Variants in NBEA observed in about 807,000 individuals in gnomAD.
NBEA encodes neurobeachin.
NBEA carries 44 observed loss-of-function variants against 343.4 expected under a neutral mutation model. The observed-to-expected ratio is 0.13, with a 90% CI of 0.10 to 0.16. The LOEUF is 0.16. Among genes scored for constraint, NBEA ranks in the 10% least tolerant of loss-of-function variants. NBEA has a pLI of 1.00. For synonymous variants in NBEA, 1,175 were observed against 1,238.7 expected (o/e 0.95, Z 1.08); for missense variants, 2,555 against 3,631.3 (o/e 0.70, Z 7.62).
Position 35,119,579 on chromosome 13 carries a change from C to A in NBEA, c.2243+1105C>A, listed in dbSNP as rs566272070. Among the ~76,000 whole-genome samples the A allele has an allele frequency of 4.8e-3, 731 of 152,048 alleles. 1 individual carries two copies. The highest frequency in any genetic ancestry group is 7.7e-3 in the Non-Finnish European group (524 of 67,934). On this transcript the variant is annotated intron_variant, in intron 16 of 58. Transcript: ENST00000379939. ...TACATTTAGTGATTAACAACTGTTACAATTTTTTTTTCTTTTTGAGACAGA... is the reference window on the plus strand; with the variant it reads ...TACATTTAGTGATTAACAACTGTTAAAATTTTTTTTTCTTTTTGAGACAGA...
intron 10 of NBEA, among the ~76,000 whole-genome samples, chr13:35,081,110 C>T (rs574333216): frequency 4.6e-5 from 7 of 152,214 alleles, no homozygotes; most frequent in East Asian, 1.9e-4. Context: ...TGGCTTGCTG[C>T]TGGAAGGCCT....
At chr13:35,398,354 C>T (rs1194204795) in intron 38 of NBEA, among the ~76,000 whole-genome samples, 1 of 152,140 alleles carries the variant, frequency 6.6e-6, no homozygotes, top group African/African-American at 2.4e-5. Flanking sequence ...TTCCATGAAT[C>T]ACAAATGTTC....
intron 40 of NBEA, 85 bp downstream of exon 40, chr13:35,452,320 G>A (rs150315571): frequency 0.013 from 12,890 of 970,492 alleles, 315 homozygotes; most frequent in Admixed American, 0.083. Context: ...GTAAATAAAT[G>A]TGTGCCAATG....
At chr13:35,375,366 T>C (rs2041680603) in intron 38 of NBEA, among the ~76,000 whole-genome samples, 1 of 152,158 alleles carries the variant, frequency 6.6e-6, no homozygotes, top group Non-Finnish European at 1.5e-5. Flanking sequence ...TGCTCCATTT[T>C]CAACAACTTT....
chr13:35,222,126 A>G (rs1004326917), intron 33 of NBEA, among the ~76,000 whole-genome samples: 2 of 152,104 alleles, frequency 1.3e-5, no homozygotes, highest in African/African-American at 4.8e-5. Context: ...AAATGTTAAA[A>G]TGGCTTGGTT....
intron 38 of NBEA, among the ~76,000 whole-genome samples, chr13:35,423,847 C>T (rs1343237764): frequency 1.3e-5 from 2 of 152,122 alleles, no homozygotes; most frequent in Non-Finnish European, 2.9e-5. Flanking sequence ...TTGTAGTTCT[C>T]CTTGAAGAGG....
At chr13:35,296,399 A>G (rs1002469500) in intron 35 of NBEA, among the ~76,000 whole-genome samples, 2 of 151,682 alleles carry the variant, frequency 1.3e-5, no homozygotes, top group African/African-American at 4.8e-5. Flanking sequence ...AAAAAAAGAT[A>G]AAAAAGAACA....
intron 48 of NBEA, among the ~76,000 whole-genome samples, chr13:35,612,140 CT>C (rs1191913903): frequency 5.6e-5 from 8 of 143,908 alleles, no homozygotes; most frequent in African/African-American, 7.7e-5. Flanking sequence ...ATTTTTTTTT[CT>C]TTTTTTTTTG....
At chr13:35,443,667 A>G (rs1447892648) in intron 39 of NBEA, among the ~76,000 whole-genome samples, 1 of 152,104 alleles carries the variant, frequency 6.6e-6, no homozygotes, top group Non-Finnish European at 1.5e-5. Context: ...ATGTGTAGAA[A>G]TACTTGCTTT....
chr13:35,269,977 A>G (rs1363421192), intron 34 of NBEA, among the ~76,000 whole-genome samples: 1 of 152,306 alleles, frequency 6.6e-6, no homozygotes, highest in South Asian at 2.1e-4. Context: ...TTCTCTGTCC[A>G]TTTTATTTAT....
At chr13:35,317,664 G>A (rs982359189) in intron 36 of NBEA, among the ~76,000 whole-genome samples, 8 of 152,122 alleles carry the variant, frequency 5.3e-5, no homozygotes, top group Admixed American at 2.6e-4. Flanking sequence ...AGCTTGATGG[G>A]GATAGCACTG....
Position 35,606,453 on chromosome 13 carries a change from C to A in NBEA, c.7324C>A (p.Pro2442Thr). 1 of 1,561,734 alleles carries A rather than the reference C, an allele frequency of 6.4e-7. No homozygotes were observed. ...ACTAATTCCAGAGTTCTACTACCTA[C>A]CAGAGATGTTTGTCAACAGTAATGG... ...KELIPEFYYL[P>T]EMFVNSNGYN... The change falls in exon 48 of 59, where the codon CCA becomes ACA. Residue 2442 changes from proline to threonine, a missense_variant. Pro to Thr is a conservative substitution (Grantham distance 38, BLOSUM62 -1). This residue lies in a region of NBEA where 156 missense variants were observed against 185.8 expected (regional missense o/e 0.84). Transcript: ENST00000379939.
intron 30 of NBEA, 43 bp downstream of exon 30, chr13:35,184,114 T>G (rs2071515983): frequency 7.2e-7 from 1 of 1,391,484 alleles, no homozygotes; most frequent in East Asian, 2.3e-5. Flanking sequence ...GTATTCTTAT[T>G]TCATGAATTG....
chr13:35,599,152 G>C (rs2081939385), intron 47 of NBEA, among the ~76,000 whole-genome samples: 1 of 152,098 alleles, frequency 6.6e-6, no homozygotes, highest in South Asian at 2.1e-4. Context: ...CTTCCTTGCT[G>C]ATCTTCCAGA....
chr13:35,344,528 A>G (rs1301300671), intron 36 of NBEA, among the ~76,000 whole-genome samples: 1 of 152,020 alleles, frequency 6.6e-6, no homozygotes, highest in East Asian at 1.9e-4. Flanking sequence ...AGATTGATTA[A>G]GAACAAAATA....
intron 53 of NBEA, among the ~76,000 whole-genome samples, chr13:35,652,688 CTTTT>C (rs766315741): frequency 1.2e-4 from 8 of 67,574 alleles, no homozygotes; most frequent in Admixed American, 8.4e-4. Context: ...TTCTGGCAGT[CTTTT>C]TTTTTTTTTT....
chr13:35,648,898 C>G (rs1006628180), intron 51 of NBEA, among the ~76,000 whole-genome samples: 4 of 152,022 alleles, frequency 2.6e-5, no homozygotes, highest in Non-Finnish European at 4.4e-5. Context: ...TCAGGAAGAA[C>G]AGCTAATGTA....
chr13:35,299,851 T>C (rs1404214964), intron 35 of NBEA, among the ~76,000 whole-genome samples: 1 of 152,196 alleles, frequency 6.6e-6, no homozygotes, highest in Non-Finnish European at 1.5e-5. Flanking sequence ...ATTATTCTTA[T>C]CCCTTTGCAT....
At chr13:35,460,669 T>C (rs998853388) in intron 40 of NBEA, among the ~76,000 whole-genome samples, 2 of 152,188 alleles carry the variant, frequency 1.3e-5, no homozygotes, top group African/African-American at 4.8e-5. Flanking sequence ...TATGAAACAC[T>C]ATAAGGTACT....
Sources: gnomAD v4.1 joint callset for allele counts (sites outside exome capture counted in the v4.1 genomes callset) on GRCh38, gnomAD v4.1.1 for gene constraint, gnomAD v4.1.1 regional missense constraint, MANE v1.5 for transcripts, NCBI Gene and HGNC (gene_info 2026-07-23, HGNC 2026-07-21) for gene names.